INPP4B: variants seen among roughly 807,000 people sequenced by gnomAD.
The protein encoded by INPP4B is inositol polyphosphate-4-phosphatase type II B, also known as inositol polyphosphate 4-phosphatase type II.
Under a neutral mutation model 122.5 loss-of-function variants are expected in INPP4B, and 55 were observed. The observed-to-expected ratio is 0.45, with a 90% CI of 0.36 to 0.56. The LOEUF (loss-of-function observed/expected upper bound fraction) is 0.56, where lower values mean the gene tolerates loss of function less well. INPP4B is among the 20% of genes least tolerant of loss of function. The pLI is 0.00. For synonymous variants in INPP4B, 403 were observed against 388.7 expected (o/e 1.04, Z -0.43); for missense variants, 1,000 against 1,097.7 (o/e 0.91, Z 1.26).
intron 3 of INPP4B, among the ~76,000 whole-genome samples, chr4:142,454,362 G>T (rs1054110140): frequency 1.3e-5 from 2 of 151,984 alleles, no homozygotes; most frequent in African/African-American, 4.8e-5. Context: ...ACTCATTTCT[G>T]CATACCTCCC....
At chr4:142,119,239 G>A (rs1448207292) in intron 21 of INPP4B, among the ~76,000 whole-genome samples, 10 of 152,130 alleles carry the variant, frequency 6.6e-5, no homozygotes, top group South Asian at 2.1e-4. Flanking sequence ...ACAGTGTGGC[G>A]ATTCCTCAAG....
chr4:142,808,688 T>A (rs1294979464), intron 1 of INPP4B, among the ~76,000 whole-genome samples: 1 of 152,204 alleles, frequency 6.6e-6, no homozygotes, highest in African/African-American at 2.4e-5. Context: ...CTATTTTTAT[T>A]CATGTAATTT....
At chr4:142,304,413 C>A (rs963215362) in intron 9 of INPP4B, among the ~76,000 whole-genome samples, 3 of 152,104 alleles carry the variant, frequency 2.0e-5, no homozygotes, top group Middle Eastern at 3.4e-3. Flanking sequence ...GAGCGGATGG[C>A]AGCCTCATTA....
chr4:142,556,162 G>A (rs951687934), intron 2 of INPP4B, among the ~76,000 whole-genome samples: 1 of 152,168 alleles, frequency 6.6e-6, no homozygotes, highest in East Asian at 1.9e-4. Flanking sequence ...GGTAGAGGAA[G>A]ACTCTGTCCT....
At chr4:142,220,510 A>G (rs541239339) in intron 12 of INPP4B, among the ~76,000 whole-genome samples, 2 of 152,332 alleles carry the variant, frequency 1.3e-5, no homozygotes, top group South Asian at 4.1e-4. Flanking sequence ...ATAACAATTC[A>G]TTGAAATAGG....
intron 23 of INPP4B, among the ~76,000 whole-genome samples, chr4:142,103,206 C>A (rs978002654): frequency 6.6e-6 from 1 of 151,984 alleles, no homozygotes; most frequent in African/African-American, 2.4e-5. Flanking sequence ...TGCTCATTTT[C>A]ACGTGGATGG....
intron 2 of INPP4B, among the ~76,000 whole-genome samples, chr4:142,624,191 T>TG (rs1333322828): frequency 2.6e-5 from 4 of 151,940 alleles, no homozygotes; most frequent in African/African-American, 9.7e-5. Flanking sequence ...ACCAACAGTA[T>TG]AAAGTGTTCC....
intron 2 of INPP4B, among the ~76,000 whole-genome samples, chr4:142,530,550 CATATATAT>C (rs35595178): frequency 0.01 from 1,442 of 140,382 alleles, 23 homozygotes; most frequent in Admixed American, 0.034. Flanking sequence ...TATGTGTGTG[CATATATAT>C]ATATATATAT....
At chr4:142,269,802 G>A (rs911861352) in intron 10 of INPP4B, among the ~76,000 whole-genome samples, 5 of 151,996 alleles carry the variant, frequency 3.3e-5, no homozygotes, top group South Asian at 2.1e-4. Flanking sequence ...AATATATATC[G>A]AAACATTACA....
At chr4:142,385,483 T>C (rs1224571539) in intron 7 of INPP4B, among the ~76,000 whole-genome samples, 2 of 152,152 alleles carry the variant, frequency 1.3e-5, no homozygotes, top group Non-Finnish European at 2.9e-5. Flanking sequence ...TACCTAGTGA[T>C]TAGTTATAAC....
chr4:142,414,427 A>T (rs1805251877), intron 5 of INPP4B, among the ~76,000 whole-genome samples: 1 of 152,224 alleles, frequency 6.6e-6, no homozygotes, highest in South Asian at 2.1e-4. Context: ...GAGGGAAAGA[A>T]AAACAACACA....
intron 7 of INPP4B, among the ~76,000 whole-genome samples, chr4:142,390,274 A>G (rs1797250569): frequency 6.6e-6 from 1 of 152,188 alleles, no homozygotes; most frequent in African/African-American, 2.4e-5. Flanking sequence ...GAAGATAATA[A>G]AAATGTTTTT....
intron 1 of INPP4B, among the ~76,000 whole-genome samples, chr4:142,737,892 A>G (rs1440614170): frequency 1.3e-5 from 2 of 152,240 alleles, no homozygotes; most frequent in Non-Finnish European, 2.9e-5. Context: ...AGAAATGCAA[A>G]TCAAAACCAC....
intron 2 of INPP4B, among the ~76,000 whole-genome samples, chr4:142,489,148 AT>A (rs1821550391): frequency 6.6e-6 from 1 of 152,094 alleles, no homozygotes. Flanking sequence ...TAATTTCCAA[AT>A]ATTTGATAAT....
chr4:142,270,933 TTGTGTGTGTGTGTG>T (rs58469157), intron 9 of INPP4B, among the ~76,000 whole-genome samples, 159 bp from the exon 10 acceptor site: 2 of 148,538 alleles, frequency 1.3e-5, no homozygotes, highest in Non-Finnish European at 3.0e-5. Context: ...GGGTAGGTGT[TTGTGTGTGTGTGTG>T]TGTGTGTGTG....
chr4:142,328,974 C>T (rs1773457717), intron 7 of INPP4B, among the ~76,000 whole-genome samples: 1 of 152,114 alleles, frequency 6.6e-6, no homozygotes, highest in African/African-American at 2.4e-5. Flanking sequence ...CCCAATAATC[C>T]AGCCAGCCTG....
intron 3 of INPP4B, among the ~76,000 whole-genome samples, chr4:142,453,339 C>G (rs1209320047): frequency 6.6e-6 from 1 of 152,120 alleles, no homozygotes; most frequent in African/African-American, 2.4e-5. Context: ...CTAATACAGA[C>G]ATCATCACAA....
At chr4:142,191,052 A>G (rs1835582145) in intron 15 of INPP4B, among the ~76,000 whole-genome samples, 1 of 152,176 alleles carries the variant, frequency 6.6e-6, no homozygotes, top group African/African-American at 2.4e-5. Flanking sequence ...CAAGACTGAG[A>G]CACAGTTCCA....
rs1359345872 is a variant in INPP4B at position 142,651,009 on chromosome 4, A to T, written c.-191+74830T>A. On this transcript the variant is annotated intron_variant, in intron 2 of 25. Coordinates refer to ENST00000262992, the MANE Select transcript of INPP4B (RefSeq NM_001101669.3). ...TGGCAAATGCAAATGAACAGAAATC[A>T]CAACAAACAGTCTCTCAGAACAGAG... Among the ~76,000 whole-genome samples, 3 of 152,210 alleles carry T rather than the reference A, an allele frequency of 2.0e-5. No individual in the cohort carries two copies. The East Asian group carries it at 5.8e-4, about 29-fold the overall frequency.
Sources: allele counts gnomAD v4.1 joint callset (sites outside exome capture counted in the v4.1 genomes callset), GRCh38; gene constraint gnomAD v4.1.1; transcripts MANE v1.5; gene names NCBI Gene and HGNC (gene_info 2026-07-23, HGNC 2026-07-21).